GRPEL2: variants seen among roughly 807,000 people sequenced by gnomAD.
GRPEL2 encodes GrpE like 2, mitochondrial, also known as grpE protein homolog 2, mitochondrial.
Under a neutral mutation model 25.9 loss-of-function variants are expected in GRPEL2, and 18 were observed. The ratio of observed to expected loss-of-function variants is 0.70; its 90% CI spans 0.48 to 1.03. The LOEUF (loss-of-function observed/expected upper bound fraction) is 1.03. GRPEL2 is among the 50% of genes least tolerant of loss of function. GRPEL2 has a pLI of 0.00. For missense variants in GRPEL2, 247 were observed against 276.2 expected (o/e 0.89, Z 0.75); for synonymous variants, 106 against 107.9 (o/e 0.98, Z 0.11).
At chr5:149,349,856 C>A in intron 3 of GRPEL2, 121 bp downstream of exon 3, 1 of 712,290 alleles carries the variant, frequency 1.4e-6, no homozygotes, top group Non-Finnish European at 2.4e-6. Flanking sequence ...CAAGACCAGT[C>A]TGGCCAACAT....
Position 149,353,843 on chromosome 5 carries a change from G to A in GRPEL2, c.*2561G>A, listed in dbSNP as rs374020105. 1.3e-5 allele frequency: 2 copies of A among 152,154 alleles called. No homozygotes were observed. Among genetic ancestry groups the A allele is most frequent in the Non-Finnish European group, 2.9e-5 (2 of 68,036 alleles). The allele number at this position is 152,154 out of a possible 1,614,324, so 9.4% of individuals were successfully genotyped here. ...GCCAAAGCAGCATATTAGAGCATAG[G>A]CTTGAACTTAAATCTCAGCTCAGTC... On this transcript the variant is annotated 3_prime_UTR_variant, in exon 4 of 4. Transcript: ENST00000329271.
intron 3 of GRPEL2, 113 bp downstream of exon 3, chr5:149,349,848 A>G (rs1348287104): frequency 2.6e-6 from 2 of 761,884 alleles, no homozygotes; most frequent in East Asian, 5.5e-5. Flanking sequence ...TCAGGATTCA[A>G]GACCAGTCTG....
At position 149,352,439 on chromosome 5, in the gene GRPEL2, T is replaced by C. The variant is rs933598146; in HGVS notation, c.*1157T>C. ...TCACCACTGCGCCCGCAAAGTTTTT[T>C]TGTTGTTTTTTTTTTTAAGTTGGTA... is the stretch of plus-strand genomic sequence containing the variant. On this transcript the variant is annotated 3_prime_UTR_variant, in exon 4 of 4. Coordinates refer to ENST00000329271, the MANE Select transcript of GRPEL2 (RefSeq NM_152407.4). The C allele has an allele frequency of 2.7e-5, 4 of 149,188 alleles. No individual in the cohort carries two copies. The highest frequency in any genetic ancestry group is 9.7e-5 in the African/African-American group (4 of 41,292). The allele number at this position is 149,188 out of a possible 1,614,324, so 9.2% of individuals were successfully genotyped here. A position where few individuals can be genotyped will look rare whatever the true frequency, so the allele number is the denominator to read the frequency against.
At chr5:149,346,340 G>A (rs572460208) in intron 1 of GRPEL2, among the ~76,000 whole-genome samples, 1 of 152,316 alleles carries the variant, frequency 6.6e-6, no homozygotes, top group Non-Finnish European at 1.5e-5. Flanking sequence ...TCCTGGGATA[G>A]AGAATAAAAA....
intron 1 of GRPEL2, 141 bp from the exon 2 acceptor site, chr5:149,348,130 TC>T: frequency 7.3e-6 from 5 of 681,344 alleles, no homozygotes; most frequent in Non-Finnish European, 1.2e-5. Flanking sequence ...GGTAAGGACT[TC>T]GTAAGTGTTC....
At position 149,346,715 on chromosome 5, in the gene GRPEL2, A is replaced by ATTTTTTTTTTT. The variant is rs34300270; in HGVS notation, c.77+1129_77+1139dup. Among the ~76,000 whole-genome samples the ATTTTTTTTTTT allele has an allele frequency of 5.6e-4, 33 of 59,262 alleles. 6 individuals are homozygous for ATTTTTTTTTTT. Among genetic ancestry groups the ATTTTTTTTTTT allele is most frequent in the African/African-American group, 1.4e-3 (17 of 12,206 alleles). 38.9% of individuals were successfully genotyped at this position (59,262 alleles called of 152,430 possible). ...TTTTCCCTTTGAACTGGCCCTGAGA[A>ATTTTTTTTTTT]TTTTTTTTTTTTTTTTTTTTTTTTT... On this transcript the variant is annotated intron_variant, in intron 1 of 3. Transcript: ENST00000329271.
In GRPEL2 at chr5:149,352,509, A is replaced by G. The variant is rs1757792810; in HGVS notation, c.*1227A>G. On this transcript the variant is annotated 3_prime_UTR_variant, in exon 4 of 4. Transcript: ENST00000329271. ...GTTATATTGACAAGCTCTATTTCCT[A>G]TTCTTTGTATCTGTTAAGTCACATC... 2 of 151,458 alleles carry G rather than the reference A, an allele frequency of 1.3e-5. No homozygotes were observed. Among genetic ancestry groups the G allele is most frequent in the South Asian group, 2.1e-4 (1 of 4,802 alleles). The allele number at this position is 151,458 out of a possible 1,614,324, so 9.4% of individuals were successfully genotyped here.
chr5:149,347,169 A>G (rs2127609477), intron 1 of GRPEL2, among the ~76,000 whole-genome samples: 1 of 152,264 alleles, frequency 6.6e-6, no homozygotes, highest in East Asian at 1.9e-4. Context: ...AAAATCACAC[A>G]CCGGATTATA....
rs530593818 is a variant in GRPEL2 at position 149,351,132 on chromosome 5, T to C, written c.528T>C (p.His176=). The change falls in exon 4 of 4, where the codon CAT becomes CAC. Residue 176 remains histidine (H), a synonymous_variant. Coordinates refer to ENST00000329271, the MANE Select transcript of GRPEL2 (RefSeq NM_152407.4). ...CCATTGGTGACAAATATGACCCCCATGAGCATGAACTCATCTGTCATGTGC... is the reference window on the plus strand; with the variant it reads ...CCATTGGTGACAAATATGACCCCCACGAGCATGAACTCATCTGTCATGTGC... ...LTPIGDKYDP[H]EHELICHVPA... is the part of the protein sequence containing the mutation. The C allele has an allele frequency of 1.2e-6, 2 of 1,614,176 alleles. No individual in the cohort carries two copies. The highest frequency in any genetic ancestry group is 2.2e-5 in the East Asian group (1 of 44,882).
rs1258470389 is a variant in GRPEL2 at position 149,351,970 on chromosome 5, T to C, written c.*688T>C. ...TTCAAGCAAGAATGGCCAAAAAGCCTTGTGCTGTCTTTGCTCTTCAAATTA... is the reference window on the plus strand; with the variant it reads ...TTCAAGCAAGAATGGCCAAAAAGCCCTGTGCTGTCTTTGCTCTTCAAATTA... On this transcript the variant is annotated 3_prime_UTR_variant, in exon 4 of 4. Coordinates refer to ENST00000329271, the MANE Select transcript of GRPEL2 (RefSeq NM_152407.4). 3 of 152,234 alleles carry C rather than the reference T, an allele frequency of 2.0e-5. No individual in the cohort carries two copies. The highest frequency in any genetic ancestry group is 2.9e-5 in the Non-Finnish European group (2 of 68,048). The allele number at this position is 152,234 out of a possible 1,614,324, so 9.4% of individuals were successfully genotyped here. A position where few individuals can be genotyped will look rare whatever the true frequency, so the allele number is the denominator to read the frequency against.
In GRPEL2 at chr5:149,348,400, T is replaced by A. The variant is rs1480496718; in HGVS notation, c.206T>A (p.Leu69Gln). Reference sequence around the variant, plus strand: ...GCCTTAAGGGTAAAAGCTGTTAAACTGGAGAAAGAAGTCCAAGATTTAACA... The same window carrying A: ...GCCTTAAGGGTAAAAGCTGTTAAACAGGAGAAAGAAGTCCAAGATTTAACA... ...ERALRVKAVK[L>Q]EKEVQDLTVR... Residue 69 changes from leucine to glutamine, a missense_variant, in exon 2 of 4, where the codon CTG (leucine) becomes CAG (glutamine). Coordinates refer to ENST00000329271, the MANE Select transcript of GRPEL2 (RefSeq NM_152407.4). 6.2e-7 allele frequency: 1 copy of A among 1,610,108 alleles called. No individual in the cohort carries two copies. The highest frequency in any genetic ancestry group is 1.7e-5 in the Admixed American group (1 of 58,914).
chr5:149,346,593 CT>C (rs1375437477), intron 1 of GRPEL2, among the ~76,000 whole-genome samples: 2 of 152,014 alleles, frequency 1.3e-5, no homozygotes, highest in African/African-American at 4.8e-5. Context: ...AAAATGGTTC[CT>C]TCTGGTAAGC....
chr5:149,350,008 C>T, intron 3 of GRPEL2: 4 of 502,180 alleles, frequency 8.0e-6, no homozygotes, highest in South Asian at 3.3e-5. Flanking sequence ...CATGCCCCTA[C>T]ACTCCAGCCT....
chr5:149,348,995 C>CTT (rs113132727), intron 2 of GRPEL2, among the ~76,000 whole-genome samples: 8 of 146,058 alleles, frequency 5.5e-5, no homozygotes, highest in Non-Finnish European at 1.1e-4. Flanking sequence ...AGATGACATA[C>CTT]TTTTTTTTTT....
chr5:149,346,258 G>A (rs352346), intron 1 of GRPEL2, among the ~76,000 whole-genome samples: 79,706 of 152,054 alleles, frequency 0.52, 21,585 homozygotes, highest in African/African-American at 0.66. Flanking sequence ...TCAGGGCGTT[G>A]GAATCGGCGC....
chr5:149,348,146 G>A, intron 1 of GRPEL2, 126 bp from the exon 2 acceptor site: 10 of 808,926 alleles, frequency 1.2e-5, no homozygotes, highest in Non-Finnish European at 1.9e-5. Flanking sequence ...GTGTTCATTT[G>A]TTACTATAAC....
Position 149,352,976 on chromosome 5 carries a change from G to A in GRPEL2, c.*1694G>A, listed in dbSNP as rs906587028. On this transcript the variant is annotated 3_prime_UTR_variant, in exon 4 of 4. Transcript: ENST00000329271. ...TGGATGTCTAGATTATATAGGTTTAGGTTGAAGTTATAAAATAAAATAAAA... is the reference window on the plus strand; with the variant it reads ...TGGATGTCTAGATTATATAGGTTTAAGTTGAAGTTATAAAATAAAATAAAA... 6.6e-6 allele frequency: 1 copy of A among 152,288 alleles called. No homozygotes were observed. The highest frequency in any genetic ancestry group is 1.5e-5 in the Non-Finnish European group (1 of 68,034). 9.4% of individuals were successfully genotyped at this position (152,288 alleles called of 1,614,324 possible).
Position 149,345,509 on chromosome 5 carries a change from C to G in GRPEL2, c.-31C>G. ...CATCTCTTCACTCGCAGCAAGTGCG[C>G]GTGCGCTGCCTCTCAGCCCAAATTG... On this transcript the variant is annotated 5_prime_UTR_variant, in exon 1 of 4. Transcript: ENST00000329271. 5.0e-6 allele frequency: 8 copies of G among 1,592,008 alleles called. No individual in the cohort carries two copies. Among genetic ancestry groups the G allele is most frequent in the Non-Finnish European group, 6.9e-6 (8 of 1,166,660 alleles).
rs34300270 is a variant in GRPEL2, at chr5:149,346,715, A to ATTTTTTTTTTTTTTTTTTTTT, written c.77+1119_77+1139dup. Among the ~76,000 whole-genome samples, 2 of 59,262 alleles carry ATTTTTTTTTTTTTTTTTTTTT rather than the reference A, an allele frequency of 3.4e-5. 1 individual carries two copies. The highest frequency in any genetic ancestry group is 1.6e-4 in the African/African-American group (2 of 12,206). 38.9% of individuals were successfully genotyped at this position (59,262 alleles called of 152,430 possible). Reference sequence around the variant, plus strand: ...TTTTCCCTTTGAACTGGCCCTGAGAATTTTTTTTTTTTTTTTTTTTTTTTT... The same window carrying ATTTTTTTTTTTTTTTTTTTTT: ...TTTTCCCTTTGAACTGGCCCTGAGAATTTTTTTTTTTTTTTTTTTTTTTTTTTTTTTTTTTTTTTTTTTTTT... On this transcript the variant is annotated intron_variant, in intron 1 of 3. Transcript: ENST00000329271.
Sources: gnomAD v4.1 joint callset for allele counts (sites outside exome capture counted in the v4.1 genomes callset) on GRCh38, gnomAD v4.1.1 for gene constraint, MANE v1.5 for transcripts, NCBI Gene and HGNC (gene_info 2026-07-23, HGNC 2026-07-21) for gene names.